Variants in TADA1 observed in about 807,000 individuals in gnomAD.
TADA1 encodes the protein transcriptional adaptor 1.
A neutral mutation model predicts 39.3 loss-of-function variants in TADA1; 23 were observed. The observed-to-expected ratio is 0.58, with a 90% confidence interval of 0.42 to 0.83. The LOEUF (loss-of-function observed/expected upper bound fraction) is 0.83. TADA1 is among the 40% of genes least tolerant of loss of function. The pLI, the probability that TADA1 is intolerant of heterozygous loss-of-function variation, is 0.00. For missense variants in TADA1, 352 were observed against 408.1 expected (o/e 0.86, Z 1.18); for synonymous variants, 137 against 151.8 (o/e 0.90, Z 0.72).
chr1:166,868,273 G>A (rs146384860), intron 3 of TADA1, among the ~76,000 whole-genome samples: 46 of 152,230 alleles, frequency 3.0e-4, no homozygotes, highest in Non-Finnish European at 5.0e-4. Context: ...GACAGGTTTC[G>A]TTTCCACCTA....
intron 2 of TADA1, 44 bp downstream of exon 2, chr1:166,869,719 A>G (rs1323030286): frequency 6.3e-7 from 1 of 1,576,318 alleles, no homozygotes; most frequent in Non-Finnish European, 8.7e-7. Context: ...CAAATCTAGG[A>G]AAACTACAGA....
Position 166,863,972 on chromosome 1 carries a change from C to T in TADA1, c.233-51G>A, listed in dbSNP as rs137897696. ...AAGTAAAAATAATGACAACTGATAA[C>T]TGCTAAGTTTGTTTTCATTTGGGGT... is the stretch of plus-strand genomic sequence containing the variant. On this transcript the variant is annotated intron_variant, in intron 3 of 7. Coordinates refer to ENST00000367874, the MANE Select transcript of TADA1 (RefSeq NM_053053.4). 6.4e-5 allele frequency: 92 copies of T among 1,441,836 alleles called. No individual in the cohort carries two copies. In the African/African-American group the frequency reaches 1.1e-3, roughly 17 times the overall value. 89.3% of individuals were successfully genotyped at this position (1,441,836 alleles called of 1,614,324 possible).
chr1:166,862,773 G>A (rs960445819), intron 4 of TADA1: 1 of 249,858 alleles, frequency 4.0e-6, no homozygotes, highest in African/African-American at 2.3e-5. Context: ...CCGTAAGTAG[G>A]TTCTAAAAGT....
At chr1:166,857,919 T>A (rs1658317499) in intron 7 of TADA1, among the ~76,000 whole-genome samples, 200 bp from the exon 8 acceptor site, 1 of 152,208 alleles carries the variant, frequency 6.6e-6, no homozygotes, top group Non-Finnish European at 1.5e-5. Context: ...ATTTTTTTTC[T>A]TTTCTTTCTT....
In TADA1 at chr1:166,860,258, G is replaced by T; in HGVS notation, c.620C>A (p.Ala207Asp). The change falls in exon 6 of 8, where the codon GCC becomes GAC. Residue 207 changes from alanine to aspartate, a missense_variant. Physicochemically the swap from Ala to Asp is moderately radical, Grantham distance 126. Around this residue, in one of 3 missense-constraint regions of TADA1, gnomAD observed 285 missense variants for 310.9 expected, o/e 0.92. Coordinates refer to ENST00000367874, the MANE Select transcript of TADA1 (RefSeq NM_053053.4). ...YRLRDGHFKY[A>D]FGSNVTPQPY... Reference sequence around the variant, plus strand: ...CTGCGGGGTCACGTTACTGCCAAAGGCATATTTAAAATGACCATCTCGTAA... The same window carrying T: ...CTGCGGGGTCACGTTACTGCCAAAGTCATATTTAAAATGACCATCTCGTAA... 1 of 1,614,012 alleles carries T rather than the reference G, an allele frequency of 6.2e-7. No individual in the cohort carries two copies. Among genetic ancestry groups the T allele is most frequent in the African/African-American group, 1.3e-5 (1 of 75,042 alleles).
chr1:166,869,246 C>A, intron 3 of TADA1, 199 bp downstream of exon 3: 8 of 524,086 alleles, frequency 1.5e-5, no homozygotes, highest in South Asian at 2.7e-5. Context: ...GAAATCATAC[C>A]TTTTTCTTAA....
Position 166,858,223 on chromosome 1 carries a change from CA to C in TADA1, c.750del (p.Asp251MetfsTer25). On this transcript the variant is annotated frameshift_variant, in exon 7 of 8. Transcript: ENST00000367874. LOFTEE classifies it high-confidence loss of function. The stretch of plus-strand genomic sequence containing the variant: ...AGTGCAGCCTGCTGCTCAGCATCAT[CA>C]GGGGGTGGGTGAGAAGCTGGATTCT... ...AGQNPASHPP[P>X]DDAEQQAALL... is the part of the protein sequence containing the mutation. The C allele has an allele frequency of 1.9e-6, 3 of 1,611,646 alleles. No individual in the cohort carries two copies. The highest frequency in any genetic ancestry group is 2.7e-5 in the African/African-American group (2 of 74,864).
chr1:166,869,308 G>T, intron 3 of TADA1, 137 bp downstream of exon 3: 52 of 517,462 alleles, frequency 1.0e-4, no homozygotes, highest in Middle Eastern at 3.0e-4. Flanking sequence ...AAAAGAATTT[G>T]TATCTACCTA....
intron 1 of TADA1, among the ~76,000 whole-genome samples, chr1:166,871,773 A>G (rs1408598190): frequency 6.6e-6 from 1 of 152,204 alleles, no homozygotes; most frequent in Non-Finnish European, 1.5e-5. Context: ...AATGAAAGAA[A>G]TAAAATAAAG....
chr1:166,858,211 G>A lies in TADA1; in HGVS notation c.763C>T (p.Gln255Ter), dbSNP rs1423685506. The change falls in exon 7 of 8, where the codon CAG becomes TAG. Residue 255 changes from glutamine (Q) to a stop codon, truncating the protein, a stop_gained. Transcript: ENST00000367874. LOFTEE classifies it high-confidence loss of function. Reference sequence around the variant, plus strand: ...CATGCCAGCAGGAGTGCAGCCTGCTGCTCAGCATCATCAGGGGGTGGGTGA... The same window carrying A: ...CATGCCAGCAGGAGTGCAGCCTGCTACTCAGCATCATCAGGGGGTGGGTGA... ...ASHPPPDDAEQQAALLLACSG... is the reference protein window; with the variant it reads ...ASHPPPDDAE The A allele has an allele frequency of 6.2e-7, 1 of 1,613,102 alleles. No homozygotes were observed. Among genetic ancestry groups the A allele is most frequent in the African/African-American group, 1.3e-5 (1 of 74,868 alleles).
At chr1:166,859,298 C>T (rs1658357320) in intron 6 of TADA1, among the ~76,000 whole-genome samples, 1 of 152,274 alleles carries the variant, frequency 6.6e-6, no homozygotes, top group East Asian at 1.9e-4. Flanking sequence ...ACCAATCACC[C>T]TGCCACCCTT....
At chr1:166,872,442 C>T (rs1457054674) in intron 1 of TADA1, among the ~76,000 whole-genome samples, 3 of 152,134 alleles carry the variant, frequency 2.0e-5, no homozygotes, top group Non-Finnish European at 4.4e-5. Context: ...CAGGCCAAGG[C>T]GGGCGGATCA....
chr1:166,869,767 A>G lies in TADA1; in HGVS notation c.162T>C (p.Asp54=). 1 of 1,611,570 alleles carries G rather than the reference A, an allele frequency of 6.2e-7. No individual in the cohort carries two copies. The highest frequency in any genetic ancestry group is 2.2e-5 in the East Asian group (1 of 44,852). ...CTCTGCAGATAATTATTTTACCATT[A>G]TCCTGTGTGAGAAGTCTATGAGCTT... ...DLEAHRLLTQ[D]NVHSHNDFLL... The change falls in exon 2 of 8, where the codon GAT becomes GAC. Residue 54 remains aspartate (D), a synonymous_variant. Transcript: ENST00000367874.
intron 1 of TADA1, among the ~76,000 whole-genome samples, chr1:166,875,762 G>A (rs1048794988): frequency 1.3e-5 from 2 of 152,232 alleles, no homozygotes; most frequent in Non-Finnish European, 2.9e-5. Context: ...TCCAGGGGCG[G>A]GCCGCCCTGC....
intron 1 of TADA1, among the ~76,000 whole-genome samples, chr1:166,875,803 C>T (rs1315499738): frequency 6.6e-6 from 1 of 152,214 alleles, no homozygotes; most frequent in African/African-American, 2.4e-5. Flanking sequence ...GCGTAGGGCT[C>T]CGGCTCACTC....
At chr1:166,865,657 CA>C (rs916877274) in intron 3 of TADA1, among the ~76,000 whole-genome samples, 10 of 147,254 alleles carry the variant, frequency 6.8e-5, no homozygotes, top group Admixed American at 1.4e-4. Flanking sequence ...ACTAAAAATA[CA>C]AAAAAAAAAT....
intron 1 of TADA1, among the ~76,000 whole-genome samples, chr1:166,871,536 G>C (rs1327886146): frequency 6.6e-6 from 1 of 152,058 alleles, no homozygotes; most frequent in African/African-American, 2.4e-5. Flanking sequence ...TGTTGTTGTT[G>C]TTGTTGTTTT....
At chr1:166,869,053 T>C (rs1658599778) in intron 3 of TADA1, 1 of 267,634 alleles carries the variant, frequency 3.7e-6, no homozygotes, top group Non-Finnish European at 7.5e-6. Flanking sequence ...GTTGGTGTTG[T>C]ACAATTCAAT....
At chr1:166,871,952 C>T (rs556277481) in intron 1 of TADA1, among the ~76,000 whole-genome samples, 2 of 152,194 alleles carry the variant, frequency 1.3e-5, no homozygotes, top group African/African-American at 4.8e-5. Flanking sequence ...TGTTCCAGAA[C>T]TAAAACAAGG....
Sources: gnomAD v4.1 joint callset for allele counts (sites outside exome capture counted in the v4.1 genomes callset) on GRCh38, gnomAD v4.1.1 for gene constraint, gnomAD v4.1.1 regional missense constraint, MANE v1.5 for transcripts, NCBI Gene and HGNC (gene_info 2026-07-23, HGNC 2026-07-21) for gene names.